The following FLI1 variants were observed in gnomAD, a reference collection of about 807,000 sequenced individuals.
FLI1 encodes Fli-1 proto-oncogene, ETS transcription factor.
Under a neutral mutation model 53.1 loss-of-function variants are expected in FLI1, and 13 were observed. The ratio of observed to expected loss-of-function variants is 0.24; its 90% CI spans 0.16 to 0.39. The LOEUF (loss-of-function observed/expected upper bound fraction) is 0.39. FLI1 is among the 10% of genes least tolerant of loss of function. The pLI, the probability that FLI1 is intolerant of heterozygous loss-of-function variation, is 1.00. For missense variants in FLI1, 424 were observed against 600.5 expected (o/e 0.71, Z 3.07); for synonymous variants, 244 against 236.7 (o/e 1.03, Z -0.28).
At chr11:128,746,055 A>C (rs1377224552) in intron 1 of FLI1, among the ~76,000 whole-genome samples, 1 of 152,178 alleles carries the variant, frequency 6.6e-6, no homozygotes, top group Non-Finnish European at 1.5e-5. Context: ...AAAATTAGGC[A>C]AGCCTTGGGG....
rs372364609 is a variant in FLI1 at position 128,810,934 on chromosome 11, C to T, written c.1305C>T (p.Asn435=). 1.9e-5 allele frequency: 30 copies of T among 1,613,908 alleles called. No individual in the cohort carries two copies. The highest frequency in any genetic ancestry group is 3.3e-4 in the Middle Eastern group (2 of 6,084). Residue 435 remains asparagine, a synonymous_variant, in exon 9 of 9, where the codon AAC becomes AAT. Transcript: ENST00000527786. This position sits in a 1 kb window ranked among gnomAD's most constrained non-coding sequence, Gnocchi z 6.6. The part of the protein sequence containing the change: ...SPTGGIYPNP[N]VPRHPNTHVP... ...CGGGGGGAATCTACCCCAACCCCAA[C>T]GTCCCCCGCCATCCTAACACCCACG...
intron 1 of FLI1, among the ~76,000 whole-genome samples, chr11:128,757,665 C>T (rs1425353222): frequency 6.6e-6 from 1 of 152,174 alleles, no homozygotes; most frequent in Non-Finnish European, 1.5e-5. Context: ...CTGGCCTTGC[C>T]TGGAAAATAA....
In FLI1 at chr11:128,749,846, G is replaced by A. The variant is rs536804676; in HGVS notation, c.19-8269G>A. 5.9e-5 allele frequency among the ~76,000 whole-genome samples: 9 copies of A among 152,210 alleles called. No homozygotes were observed. The South Asian group carries it at 1.0e-3, about 18-fold the overall frequency. On this transcript the variant is annotated intron_variant, in intron 1 of 8. Coordinates refer to ENST00000527786, the MANE Select transcript of FLI1 (RefSeq NM_002017.5). Reference sequence around the variant, plus strand: ...AGTGGAAATGAGGAGCAAGAAATGCGCACATGTAGAGAGGAGAGAGAAGCA... The same window carrying A: ...AGTGGAAATGAGGAGCAAGAAATGCACACATGTAGAGAGGAGAGAGAAGCA...
chr11:128,702,193 AC>A (rs1938360353), intron 1 of FLI1, among the ~76,000 whole-genome samples: 1 of 152,212 alleles, frequency 6.6e-6, no homozygotes, highest in Admixed American at 6.5e-5. Context: ...GTATTCATTC[AC>A]CCAAATGTTG....
intron 4 of FLI1, among the ~76,000 whole-genome samples, chr11:128,777,273 A>C (rs948293949): frequency 6.6e-6 from 1 of 152,138 alleles, no homozygotes; most frequent in Non-Finnish European, 1.5e-5. Context: ...GGGGAGGCAG[A>C]AAGAAAAAGA....
intron 2 of FLI1, among the ~76,000 whole-genome samples, chr11:128,766,095 T>C (rs1941329612): frequency 6.6e-6 from 1 of 152,182 alleles, no homozygotes; most frequent in Admixed American, 6.5e-5. Context: ...TGTGTGCACA[T>C]GTGCATGCAT....
chr11:128,760,230 A>G lies in FLI1; in HGVS notation c.230+1904A>G, dbSNP rs572280931. The stretch of plus-strand genomic sequence containing the variant: ...ACTAAGAAGTAGTTACTGTAACTTC[A>G]CTGTTACACAGGAAGGCAAGCAGGG... On this transcript the variant is annotated intron_variant, in intron 2 of 8. Transcript: ENST00000527786. 5.9e-5 allele frequency among the ~76,000 whole-genome samples: 9 copies of G among 152,324 alleles called. No individual in the cohort carries two copies. In the East Asian group the frequency reaches 1.7e-3, roughly 29 times the overall value.
chr11:128,723,447 C>CAGG (rs1186311456), intron 1 of FLI1, among the ~76,000 whole-genome samples: 8 of 152,020 alleles, frequency 5.3e-5, no homozygotes, highest in African/African-American at 1.9e-4. Flanking sequence ...GCATGGTGAG[C>CAGG]AGGAACACTA....
At chr11:128,741,909 C>T (rs552614747) in intron 1 of FLI1, among the ~76,000 whole-genome samples, 5 of 152,280 alleles carry the variant, frequency 3.3e-5, no homozygotes, top group African/African-American at 9.6e-5. Context: ...TGGACTGTCT[C>T]GGGAGCTCCC....
rs376288378 is a variant in FLI1, at chr11:128,757,663, G to T, written c.19-452G>T. ...TCTCTGGGTGGATCTCACTGGCCTT[G>T]CCTGGAAAATAAATGCTGGATCTCA... On this transcript the variant is annotated intron_variant, in intron 1 of 8. Transcript: ENST00000527786. Among the ~76,000 whole-genome samples the T allele has an allele frequency of 6.0e-4, 92 of 152,276 alleles. 5 individuals carry two copies. In the South Asian group the frequency reaches 0.018, roughly 30 times the overall value.
chr11:128,725,666 G>A (rs865810002), intron 1 of FLI1, among the ~76,000 whole-genome samples: 4 of 150,642 alleles, frequency 2.7e-5, no homozygotes, highest in Non-Finnish European at 5.9e-5. Context: ...CTCTCTCTGT[G>A]TGTGTGTGTT....
At chr11:128,737,424 A>C (rs76729086) in intron 1 of FLI1, among the ~76,000 whole-genome samples, 7,880 of 152,288 alleles carry the variant, frequency 0.052, 658 homozygotes, top group African/African-American at 0.18. Flanking sequence ...AGCTCTGTTC[A>C]ACATGGTCCT....
At chr11:128,749,355 G>A (rs116202602) in intron 1 of FLI1, among the ~76,000 whole-genome samples, 1 of 152,166 alleles carries the variant, frequency 6.6e-6, no homozygotes, top group Non-Finnish European at 1.5e-5. Context: ...TTCACTGAAG[G>A]CTCGTTCACT....
intron 1 of FLI1, among the ~76,000 whole-genome samples, chr11:128,736,494 G>T (rs1939923443): frequency 6.6e-6 from 1 of 152,184 alleles, no homozygotes; most frequent in African/African-American, 2.4e-5. Context: ...GAGCAACTTT[G>T]GTTGAGAATG....
rs1942053219 is a variant in FLI1 at position 128,785,560 on chromosome 11, C to G, written c.655+3537C>G. Among the ~76,000 whole-genome samples, 4 of 152,158 alleles carry G rather than the reference C, an allele frequency of 2.6e-5. No individual in the cohort carries two copies. The South Asian group carries it at 8.3e-4, about 32-fold the overall frequency. The stretch of plus-strand genomic sequence containing the variant: ...AAAGCAATACCTAGCCTAAATGTAA[C>G]TTGGGCAAAGATGTGAATGTTTTGC... On this transcript the variant is annotated intron_variant, in intron 5 of 8. Coordinates refer to ENST00000527786, the MANE Select transcript of FLI1 (RefSeq NM_002017.5).
intron 5 of FLI1, among the ~76,000 whole-genome samples, chr11:128,800,642 C>T (rs954109759): frequency 6.6e-6 from 1 of 152,192 alleles, no homozygotes; most frequent in Non-Finnish European, 1.5e-5. Context: ...AAAAAATCTC[C>T]ATGCTCATAT....
intron 4 of FLI1, 111 bp downstream of exon 4, chr11:128,773,096 A>G: frequency 2.0e-6 from 2 of 991,646 alleles, no homozygotes; most frequent in Non-Finnish European, 3.1e-6. Flanking sequence ...CCGGAGCAGC[A>G]TCGTGGGGCC....
intron 1 of FLI1, among the ~76,000 whole-genome samples, chr11:128,746,941 C>A (rs1319273456): frequency 1.3e-5 from 2 of 152,194 alleles, no homozygotes; most frequent in Admixed American, 1.3e-4. Flanking sequence ...AAGCAGCTGT[C>A]CATGAAGGGA....
At chr11:128,759,154 A>G (rs1280214545) in intron 2 of FLI1, among the ~76,000 whole-genome samples, 1 of 152,278 alleles carries the variant, frequency 6.6e-6, no homozygotes, top group African/African-American at 2.4e-5. Flanking sequence ...TGTTATGAGC[A>G]AAGACTTGAA....
Sources: allele counts gnomAD v4.1 joint callset (sites outside exome capture counted in the v4.1 genomes callset), GRCh38; gene constraint gnomAD v4.1.1; non-coding constraint Gnocchi (gnomAD v3.1); transcripts MANE v1.5; gene names NCBI Gene and HGNC (gene_info 2026-07-23, HGNC 2026-07-21).